The following PRIMA1 variants were observed in gnomAD, a reference collection of about 807,000 sequenced individuals.
The protein encoded by PRIMA1 is proline-rich membrane anchor 1.
PRIMA1 carries 7 observed loss-of-function variants against 17.5 expected under a neutral mutation model. The observed-to-expected ratio is 0.40, with a 90% CI of 0.23 to 0.75. The LOEUF is 0.75. PRIMA1 is among the 30% of genes least tolerant of loss of function. PRIMA1 has a pLI of 0.37. For missense variants in PRIMA1, 200 were observed against 201.8 expected, an observed-to-expected ratio of 0.99 and a Z score of 0.05; for synonymous variants, 97 against 77.9, an observed-to-expected ratio of 1.25 and a Z score of -1.29.
chr14:93,781,960 A>G (rs72631625), intron 2 of PRIMA1, among the ~76,000 whole-genome samples: 16,106 of 150,916 alleles, frequency 0.11, 953 homozygotes, highest in Admixed American at 0.21. Flanking sequence ...GCGACAGAGC[A>G]AAACTCCAGT....
intron 3 of PRIMA1, among the ~76,000 whole-genome samples, chr14:93,755,141 G>C (rs908326909): frequency 2.6e-5 from 4 of 152,196 alleles, no homozygotes; most frequent in African/African-American, 9.6e-5. Context: ...CGAGGCCTAA[G>C]AGTTAGCTCA....
chr14:93,738,492 A>T (rs967991833), intron 3 of PRIMA1, among the ~76,000 whole-genome samples: 2 of 152,206 alleles, frequency 1.3e-5, no homozygotes, highest in African/African-American at 4.8e-5. Context: ...ACAGAGAGAC[A>T]GTATTAACTT....
rs527789201 is a variant in PRIMA1 at position 93,738,201 on chromosome 14, C to G, written c.230-831G>C. On this transcript the variant is annotated intron_variant, in intron 3 of 4. Coordinates refer to ENST00000393140, the MANE Select transcript of PRIMA1 (RefSeq NM_178013.4). ...TCTTAGTCACTCAATCCGTGGAGTC[C>G]TTGGGGTGAACCTGTCCTCCCTCCC... 5.9e-5 allele frequency among the ~76,000 whole-genome samples: 9 copies of G among 152,236 alleles called. No homozygotes were observed. The South Asian group carries it at 1.9e-3, about 32-fold the overall frequency.
rs2076026706 is a variant in PRIMA1 at position 93,719,967 on chromosome 14, C to T, written c.*1477G>A. On this transcript the variant is annotated 3_prime_UTR_variant, in exon 5 of 5. Transcript: ENST00000393140. ...ACAATGGGCTTTTTAAGGTTCGGCC[C>T]AAATGGGGACCGGTTTTCAGGTGTG... 1 of 152,232 alleles carries T rather than the reference C, an allele frequency of 6.6e-6. No individual in the cohort carries two copies. The highest frequency in any genetic ancestry group is 1.5e-5 in the Non-Finnish European group (1 of 68,076). 9.4% of individuals were successfully genotyped at this position (152,232 alleles called of 1,614,324 possible). A position where few individuals can be genotyped will look rare whatever the true frequency, so the allele number is the denominator to read the frequency against.
chr14:93,772,774 A>G (rs1387391115), intron 3 of PRIMA1, among the ~76,000 whole-genome samples: 3 of 152,184 alleles, frequency 2.0e-5, no homozygotes, highest in Non-Finnish European at 4.4e-5. Flanking sequence ...AGGGGAGTCT[A>G]CACCTCCTTC....
Position 93,737,101 on chromosome 14 carries a change from G to A in PRIMA1, c.359+140C>T, listed in dbSNP as rs2076154326. 5 of 714,896 alleles carry A rather than the reference G, an allele frequency of 7.0e-6. No homozygotes were observed. In the East Asian group the frequency reaches 1.5e-4, roughly 21 times the overall value. The allele number at this position is 714,896 out of a possible 1,614,324, so 44.3% of individuals were successfully genotyped here. On this transcript the variant is annotated intron_variant, in intron 4 of 4. Transcript: ENST00000393140. ...GAATCGGGGTGAGGGTAGATGGAAG[G>A]TCACTGTATATTCTTTCTGCTTCTT...
At chr14:93,739,634 G>A (rs2076172259) in intron 3 of PRIMA1, among the ~76,000 whole-genome samples, 1 of 152,142 alleles carries the variant, frequency 6.6e-6, no homozygotes, top group Non-Finnish European at 1.5e-5. Context: ...TGGCAAGAAG[G>A]GAGCAGTTAC....
chr14:93,721,310 C>T lies in PRIMA1; in HGVS notation c.*134G>A. The stretch of plus-strand genomic sequence containing the variant: ...AAGCCTGGGAAGACAATGGTTTCTC[C>T]TTCGGGAGGCTCAGGGCCTGTGAGG... On this transcript the variant is annotated 3_prime_UTR_variant, in exon 5 of 5. Coordinates refer to ENST00000393140, the MANE Select transcript of PRIMA1 (RefSeq NM_178013.4). 1 of 617,586 alleles carries T rather than the reference C, an allele frequency of 1.6e-6. No individual in the cohort carries two copies. The highest frequency in any genetic ancestry group is 2.8e-6 in the Non-Finnish European group (1 of 352,336). 38.3% of individuals were successfully genotyped at this position (617,586 alleles called of 1,614,324 possible).
At chr14:93,782,558 C>A (rs1371883018) in intron 2 of PRIMA1, among the ~76,000 whole-genome samples, 1 of 150,444 alleles carries the variant, frequency 6.6e-6, no homozygotes, top group Admixed American at 6.6e-5. Context: ...GAGGTTGAGG[C>A]TGCAGTGAGC....
At chr14:93,730,236 A>G (rs183489168) in intron 4 of PRIMA1, among the ~76,000 whole-genome samples, 2 of 152,360 alleles carry the variant, frequency 1.3e-5, no homozygotes, top group East Asian at 3.9e-4. Context: ...GTGTGCACAC[A>G]ACCACGCATT....
At position 93,726,852 on chromosome 14, in the gene PRIMA1, T is replaced by TATGCACACATACACATATGTGCACATGC. The variant is rs1330047458; in HGVS notation, c.360-5334_360-5307dup. Among the ~76,000 whole-genome samples the TATGCACACATACACATATGTGCACATGC allele has an allele frequency of 4.6e-5, 7 of 152,198 alleles. No homozygotes were observed. The highest frequency in any genetic ancestry group is 1.3e-4 in the Admixed American group (2 of 15,298). ...ACATACACACATGTCCCTACACACA[T>TATGCACACATACACATATGTGCACATGC]ATGCACACATACACATATGTGCACA... On this transcript the variant is annotated intron_variant, in intron 4 of 4. Coordinates refer to ENST00000393140, the MANE Select transcript of PRIMA1 (RefSeq NM_178013.4). This position sits in a 1 kb window ranked among gnomAD's most constrained non-coding sequence, Gnocchi z 4.2.
chr14:93,748,079 TGTGA>T (rs1282087953), intron 3 of PRIMA1, among the ~76,000 whole-genome samples: 3 of 151,738 alleles, frequency 2.0e-5, no homozygotes, highest in African/African-American at 7.3e-5. Context: ...TGTGTATGTG[TGTGA>T]GTGCGTATGA....
At chr14:93,779,442 A>G (rs1885319273) in intron 2 of PRIMA1, 131 bp from the exon 3 acceptor site, 2 of 738,776 alleles carry the variant, frequency 2.7e-6, no homozygotes, top group Non-Finnish European at 4.3e-6. Context: ...CAAGGCAGGA[A>G]GAATCAACAG....
intron 4 of PRIMA1, among the ~76,000 whole-genome samples, chr14:93,723,827 G>A (rs191766851): frequency 6.6e-6 from 1 of 152,168 alleles, no homozygotes; most frequent in Admixed American, 6.5e-5. Flanking sequence ...CTGGTTTGTG[G>A]TGGGGCCTGG....
chr14:93,755,381 C>T (rs1277969067), intron 3 of PRIMA1, among the ~76,000 whole-genome samples: 2 of 152,074 alleles, frequency 1.3e-5, no homozygotes, highest in Non-Finnish European at 2.9e-5. Flanking sequence ...AATGGATGTA[C>T]CACAATTTAC....
intron 4 of PRIMA1, among the ~76,000 whole-genome samples, chr14:93,724,509 G>C (rs908130903): frequency 6.6e-6 from 1 of 152,138 alleles, no homozygotes; most frequent in African/African-American, 2.4e-5. Flanking sequence ...CCCTTTTCCA[G>C]AAAGCCTTAA....
chr14:93,763,206 A>G (rs559205109), intron 3 of PRIMA1, among the ~76,000 whole-genome samples: 1 of 152,242 alleles, frequency 6.6e-6, no homozygotes, highest in South Asian at 2.1e-4. Context: ...TGTTTGATCG[A>G]ATAAAAGTCT....
At chr14:93,764,090 C>T (rs1173018277) in intron 3 of PRIMA1, among the ~76,000 whole-genome samples, 2 of 152,020 alleles carry the variant, frequency 1.3e-5, no homozygotes, top group East Asian at 1.9e-4. Flanking sequence ...GGTTCTCAAA[C>T]TCCCACCCTT....
chr14:93,732,548 C>G (rs891517063), intron 4 of PRIMA1, among the ~76,000 whole-genome samples: 1 of 152,200 alleles, frequency 6.6e-6, no homozygotes, highest in Non-Finnish European at 1.5e-5. Context: ...CTTCTTCCCC[C>G]GAAAAGGTAT....
Sources: gnomAD v4.1 joint callset for allele counts (sites outside exome capture counted in the v4.1 genomes callset) on GRCh38, gnomAD v4.1.1 for gene constraint, Gnocchi (gnomAD v3.1) non-coding constraint, MANE v1.5 for transcripts, NCBI Gene and HGNC (gene_info 2026-07-23, HGNC 2026-07-21) for gene names.